Variants in ARID1A observed in about 807,000 individuals in gnomAD.
ARID1A encodes AT-rich interactive domain-containing protein 1A.
Under a neutral mutation model 212.6 loss-of-function variants are expected in ARID1A, and 20 were observed. The observed-to-expected ratio is 0.09, with a 90% confidence interval of 0.07 to 0.14. The LOEUF (loss-of-function observed/expected upper bound fraction) is 0.14. ARID1A is among the 10% of genes least tolerant of loss of function. The pLI is 1.00. For synonymous variants in ARID1A, 1,376 were observed against 1,222.1 expected (o/e 1.13, Z -2.63); for missense variants, 2,587 against 3,059.0 (o/e 0.85, Z 3.64).
chr1:26,772,464 C>G (rs1432357181), intron 12 of ARID1A, 36 bp from the exon 13 acceptor site: 1 of 1,613,582 alleles, frequency 6.2e-7, no homozygotes, highest in East Asian at 2.2e-5. Flanking sequence ...CACTGTCATG[C>G]CAAGCAAACT....
Position 26,779,028 on chromosome 1 carries a change from A to G in ARID1A, c.5130A>G (p.Pro1710=). 1 of 1,501,838 alleles carries G rather than the reference A, an allele frequency of 6.7e-7. No individual in the cohort carries two copies. The highest frequency in any genetic ancestry group is 8.9e-7 in the Non-Finnish European group (1 of 1,124,932). The allele number at this position is 1,501,838 out of a possible 1,614,324, so 93.0% of individuals were successfully genotyped here. ...CCTGTTCTTTCTCTTTTTAGCTCCC[A>G]GGGTTGCTAGAGCTCCTTGTAGAAT... ...SIMTFNLSQL[P]GLLELLVEYF... Residue 1710 remains proline (P), a synonymous_variant, in exon 20 of 20, where the codon CCA becomes CCG. Coordinates refer to ENST00000324856, the MANE Select transcript of ARID1A (RefSeq NM_006015.6).
intron 1 of ARID1A, among the ~76,000 whole-genome samples, chr1:26,699,389 C>T (rs750253133): frequency 6.6e-6 from 1 of 152,174 alleles, no homozygotes; most frequent in African/African-American, 2.4e-5. Flanking sequence ...GGGGGAAGCT[C>T]CATTCATCCC....
chr1:26,770,203 A>ATTTATTTT (rs2081071761), intron 11 of ARID1A: 1 of 151,926 alleles, frequency 6.6e-6, no homozygotes, highest in Non-Finnish European at 1.5e-5. Flanking sequence ...ACAGAGTGAG[A>ATTTATTTT]CTCTGTCTCT....
intron 12 of ARID1A, chr1:26,772,176 T>G (rs2124102383): frequency 3.1e-6 from 1 of 317,856 alleles, no homozygotes; most frequent in Non-Finnish European, 6.0e-6. Context: ...ATTACAGGGT[T>G]TAGTAGGTTA....
chr1:26,742,945 A>ATTT (rs557833551), intron 4 of ARID1A, among the ~76,000 whole-genome samples: 9 of 152,146 alleles, frequency 5.9e-5, no homozygotes, highest in Non-Finnish European at 1.2e-4. Context: ...ACTCCAGCCT[A>ATTT]TGTGACAGAG....
intron 6 of ARID1A, among the ~76,000 whole-genome samples, chr1:26,761,913 C>T (rs1287080767): frequency 3.3e-5 from 5 of 152,112 alleles, no homozygotes; most frequent in Non-Finnish European, 5.9e-5. Flanking sequence ...TGGTTTTTGT[C>T]ATTGTTCTTT....
At chr1:26,700,465 T>G (rs889976698) in intron 1 of ARID1A, among the ~76,000 whole-genome samples, 1 of 152,218 alleles carries the variant, frequency 6.6e-6, no homozygotes, top group Non-Finnish European at 1.5e-5. Context: ...TTTATTCCTT[T>G]TCATAAGTAG....
intron 4 of ARID1A, among the ~76,000 whole-genome samples, chr1:26,749,011 A>G (rs1301609537): frequency 6.6e-6 from 1 of 152,058 alleles, no homozygotes; most frequent in Non-Finnish European, 1.5e-5. Context: ...AAAAAATACA[A>G]AAAATTAGCT....
At chr1:26,747,685 A>C (rs1466309035) in intron 4 of ARID1A, among the ~76,000 whole-genome samples, 1 of 110,662 alleles carries the variant, frequency 9.0e-6, no homozygotes, top group Non-Finnish European at 2.1e-5. Flanking sequence ...CATCTCTACC[A>C]AAAAAAAAAA....
Position 26,775,136 on chromosome 1 carries a change from C to T in ARID1A, c.4909C>T (p.Arg1637Trp), listed in dbSNP as rs1023142691. 1.9e-6 allele frequency: 3 copies of T among 1,613,744 alleles called. No homozygotes were observed. The highest frequency in any genetic ancestry group is 1.7e-6 in the Non-Finnish European group (2 of 1,179,956). Residue 1637 changes from arginine to tryptophan, a missense_variant, in exon 18 of 20, where the codon CGG becomes TGG. Transcript: ENST00000324856. ...PAPVQPPMIR[R>W]DITFPPGSVE... ...CCCTGTGCAGCCCCCCATGATTCGG[C>T]GGGATATCACCTTCCCACCTGGCTC...
At chr1:26,724,118 C>G (rs1456593045) in intron 1 of ARID1A, among the ~76,000 whole-genome samples, 1 of 152,082 alleles carries the variant, frequency 6.6e-6, no homozygotes, top group Non-Finnish European at 1.5e-5. Flanking sequence ...TATAACAAAT[C>G]TAGCCAGGAA....
intron 7 of ARID1A, among the ~76,000 whole-genome samples, chr1:26,762,598 A>G (rs1407407932): frequency 2.0e-5 from 3 of 152,234 alleles, no homozygotes; most frequent in Admixed American, 6.5e-5. Flanking sequence ...CAATTTATAC[A>G]TGGTAGCTCT....
intron 4 of ARID1A, among the ~76,000 whole-genome samples, chr1:26,749,711 C>T (rs1321624648): frequency 2.0e-5 from 3 of 152,244 alleles, no homozygotes; most frequent in Non-Finnish European, 4.4e-5. Flanking sequence ...ACACAGAGCC[C>T]TGCCTCTGGC....
intron 8 of ARID1A, among the ~76,000 whole-genome samples, chr1:26,764,047 G>A (rs2081017053): frequency 6.6e-6 from 1 of 152,054 alleles, no homozygotes; most frequent in African/African-American, 2.4e-5. Context: ...TCAGCTCACT[G>A]CCACCTCTGC....
chr1:26,712,326 G>A (rs754521019), intron 1 of ARID1A, among the ~76,000 whole-genome samples: 1 of 152,074 alleles, frequency 6.6e-6, no homozygotes, highest in Admixed American at 6.6e-5. Flanking sequence ...CTTCTTAGTG[G>A]CCAGTCTGAG....
intron 4 of ARID1A, among the ~76,000 whole-genome samples, chr1:26,742,168 C>T (rs1205511986): frequency 6.6e-6 from 1 of 152,194 alleles, no homozygotes; most frequent in Non-Finnish European, 1.5e-5. Context: ...GCAAAAAACT[C>T]AACTCTTTGC....
At chr1:26,759,029 C>T (rs561013228) in intron 4 of ARID1A, among the ~76,000 whole-genome samples, 1 of 126,646 alleles carries the variant, frequency 7.9e-6, no homozygotes, top group African/African-American at 3.1e-5. Context: ...GAAGGAGAGC[C>T]TAAAAGCTGC....
Position 26,696,541 on chromosome 1 carries a change from G to C in ARID1A, c.138G>C (p.Glu46Asp). 2 of 1,228,714 alleles carry C rather than the reference G, an allele frequency of 1.6e-6. No individual in the cohort carries two copies. The highest frequency in any genetic ancestry group is 2.0e-6 in the Non-Finnish European group (2 of 988,642). The allele number at this position is 1,228,714 out of a possible 1,614,324, so 76.1% of individuals were successfully genotyped here. Residue 46 changes from glutamate (E) to aspartate (D), a missense_variant, in exon 1 of 20, where the codon GAG becomes GAC. By Grantham distance (45) the Glu-to-Asp change is conservative. Transcript: ENST00000324856. ...GGEAAAAAAA[E>D]RGEMKAAAGQ... ...AGGCGGCGGCGGCGGCAGCGGCCGA[G>C]CGCGGGGAAATGAAGGCAGCCGCCG... is the stretch of plus-strand genomic sequence containing the variant.
chr1:26,769,326 T>A (rs961911703), intron 11 of ARID1A: 6 of 152,254 alleles, frequency 3.9e-5, no homozygotes, highest in Admixed American at 2.0e-4. Context: ...AATGCCGTGA[T>A]TGTAACTGAA....
Sources: gnomAD v4.1 joint callset for allele counts (sites outside exome capture counted in the v4.1 genomes callset) on GRCh38, gnomAD v4.1.1 for gene constraint, MANE v1.5 for transcripts, NCBI Gene and HGNC (gene_info 2026-07-23, HGNC 2026-07-21) for gene names.